The following MXI1 variants were observed in gnomAD, a reference collection of about 807,000 sequenced individuals.
MXI1 encodes max-interacting protein 1.
Under a neutral mutation model 36.9 loss-of-function variants are expected in MXI1, and 18 were observed. The ratio of observed to expected loss-of-function variants is 0.49; its 90% CI spans 0.34 to 0.72. The LOEUF (loss-of-function observed/expected upper bound fraction) is 0.72. Among genes scored for constraint, MXI1 ranks in the 30% least tolerant of loss-of-function variants. The probability of loss-of-function intolerance (pLI) is 0.01; values close to 1 mark genes in which losing one functional copy is unlikely to be tolerated. For synonymous variants in MXI1, 160 were observed against 146.7 expected (o/e 1.09, Z -0.65); for missense variants, 304 against 379.1 (o/e 0.80, Z 1.64).
intron 3 of MXI1, among the ~76,000 whole-genome samples, chr10:110,266,572 A>C (rs1856684256): frequency 2.0e-5 from 3 of 152,202 alleles, no homozygotes; most frequent in African/African-American, 7.2e-5. Flanking sequence ...TGAGTAAATG[A>C]GGATACCTGA....
chr10:110,236,918 C>CATGGT (rs1855497034), intron 2 of MXI1, among the ~76,000 whole-genome samples: 1 of 152,102 alleles, frequency 6.6e-6, no homozygotes, highest in African/African-American at 2.4e-5. Context: ...AATTAATAGA[C>CATGGT]ATGGTATGTC....
intron 3 of MXI1, among the ~76,000 whole-genome samples, chr10:110,267,686 G>A (rs1362127710): frequency 2.0e-5 from 3 of 152,146 alleles, no homozygotes; most frequent in Non-Finnish European, 4.4e-5. Flanking sequence ...GACTTTTCAA[G>A]ACTGCTATTT....
chr10:110,220,081 T>C (rs1854761672), intron 1 of MXI1, among the ~76,000 whole-genome samples: 1 of 152,226 alleles, frequency 6.6e-6, no homozygotes, highest in Admixed American at 6.5e-5. Flanking sequence ...TTAACCAATT[T>C]CGTTTGACCT....
chr10:110,231,069 A>G (rs1855240259), intron 2 of MXI1, among the ~76,000 whole-genome samples: 1 of 152,206 alleles, frequency 6.6e-6, no homozygotes, highest in African/African-American at 2.4e-5. Flanking sequence ...GATATGCCTG[A>G]TAAAATGTTA....
intron 3 of MXI1, among the ~76,000 whole-genome samples, chr10:110,248,779 A>C (rs778973863): frequency 6.6e-6 from 1 of 151,890 alleles, no homozygotes; most frequent in Non-Finnish European, 1.5e-5. Flanking sequence ...TACTCTCTCT[A>C]TTCCCTGAGG....
Position 110,232,533 on chromosome 10 carries a change from C to T in MXI1, c.407+4212C>T, listed in dbSNP as rs74403785. Among the ~76,000 whole-genome samples the T allele has an allele frequency of 3.8e-3, 572 of 152,170 alleles. 6 individuals are homozygous for T. Among genetic ancestry groups the T allele is most frequent in the African/African-American group, 0.013 (554 of 41,504 alleles). Reference sequence around the variant, plus strand: ...TCACATTTGTAGAAATACAGTTATCCAGTTGTTTCTTAAATTCGTGTCCTA... The same window carrying T: ...TCACATTTGTAGAAATACAGTTATCTAGTTGTTTCTTAAATTCGTGTCCTA... On this transcript the variant is annotated intron_variant, in intron 2 of 5. Transcript: ENST00000332674.
At chr10:110,255,744 C>T (rs559588062) in intron 3 of MXI1, among the ~76,000 whole-genome samples, 1 of 152,184 alleles carries the variant, frequency 6.6e-6, no homozygotes, top group African/African-American at 2.4e-5. Flanking sequence ...GCCGTACTTT[C>T]CAAATTGATC....
At chr10:110,262,134 G>A (rs1371613787) in intron 3 of MXI1, among the ~76,000 whole-genome samples, 1 of 152,042 alleles carries the variant, frequency 6.6e-6, no homozygotes, top group Non-Finnish European at 1.5e-5. Context: ...CACATCCATG[G>A]ATTCAAACGA....
rs199786142 is a variant in MXI1, at chr10:110,275,493, GA to G, written c.438-3679del. On this transcript the variant is annotated intron_variant, in intron 3 of 5. Transcript: ENST00000332674. ...TGCTGTTCTAAGAATTTGCAGGAGA[GA>G]AAAAAAACTTAGACACTGAGGAGAA... 6.1e-3 allele frequency among the ~76,000 whole-genome samples: 930 copies of G among 152,028 alleles called. 9 individuals carry two copies. Among genetic ancestry groups the G allele is most frequent in the Non-Finnish European group, 7.1e-3 (482 of 67,932 alleles).
intron 1 of MXI1, among the ~76,000 whole-genome samples, chr10:110,213,228 G>A (rs990579405): frequency 6.6e-6 from 1 of 152,198 alleles, no homozygotes; most frequent in African/African-American, 2.4e-5. Flanking sequence ...TAAGAAAGAA[G>A]GAGACTAGAG....
chr10:110,256,619 A>AG (rs1262354315), intron 3 of MXI1, among the ~76,000 whole-genome samples: 2 of 151,266 alleles, frequency 1.3e-5, no homozygotes, highest in South Asian at 4.2e-4. Context: ...AAAAAAAAAA[A>AG]AAAAAAAAAA....
chr10:110,285,040 TACAA>T lies in MXI1; in HGVS notation c.*58_*61del, dbSNP rs1300990622. 12 of 1,505,906 alleles carry T rather than the reference TACAA, an allele frequency of 8.0e-6. No homozygotes were observed. Among genetic ancestry groups the T allele is most frequent in the Admixed American group, 2.2e-5 (1 of 46,350 alleles). The allele number at this position is 1,505,906 out of a possible 1,614,324, so 93.3% of individuals were successfully genotyped here. A position where few individuals can be genotyped will look rare whatever the true frequency, so the allele number is the denominator to read the frequency against. On this transcript the variant is annotated 3_prime_UTR_variant, in exon 6 of 6. Transcript: ENST00000332674. ...CAAAATATTCACTGGGCCAATTCAATACAAACAATCTCTTAAATTGGGTTCATGA... is the reference window on the plus strand; with the variant it reads ...CAAAATATTCACTGGGCCAATTCAATACAATCTCTTAAATTGGGTTCATGA...
chr10:110,235,710 T>A (rs1312455002), intron 2 of MXI1, among the ~76,000 whole-genome samples: 1 of 148,802 alleles, frequency 6.7e-6, no homozygotes. Flanking sequence ...AATAAATAAA[T>A]AAATAAATAA....
In MXI1 at chr10:110,284,973, T is replaced by C; in HGVS notation, c.874T>C (p.Ser292Pro). 2 of 1,612,258 alleles carry C rather than the reference T, an allele frequency of 1.2e-6. No homozygotes were observed. Among genetic ancestry groups the C allele is most frequent in the Non-Finnish European group, 1.7e-6 (2 of 1,179,394 alleles). ...EGYSSASVKL[S>P]FTS The stretch of plus-strand genomic sequence containing the variant: ...TTACTCCAGTGCCAGTGTCAAACTT[T>C]CATTCACTTCATAGAACCCAGCATG... Residue 292 changes from serine to proline, a missense_variant, in exon 6 of 6, where the codon TCA becomes CCA. This residue lies in a region of MXI1 where 125 missense variants were observed against 194.3 expected (regional missense o/e 0.64). Coordinates refer to ENST00000332674, the MANE Select transcript of MXI1 (RefSeq NM_130439.3).
rs555830692 is a variant in MXI1, at chr10:110,277,251, G to C, written c.438-1929G>C. On this transcript the variant is annotated intron_variant, in intron 3 of 5. Coordinates refer to ENST00000332674, the MANE Select transcript of MXI1 (RefSeq NM_130439.3). ...AAGGTATTCTTGCGGTAATGTGCTT[G>C]TTAACTTTACTAGTTGCTTTGTTGA... Among the ~76,000 whole-genome samples the C allele has an allele frequency of 3.3e-5, 5 of 152,346 alleles. No individual in the cohort carries two copies. In the South Asian group the frequency reaches 6.2e-4, roughly 19 times the overall value.
At chr10:110,284,742 C>T in intron 5 of MXI1, 82 bp from the exon 6 acceptor site, 1 of 1,242,992 alleles carries the variant, frequency 8.0e-7, no homozygotes, top group South Asian at 1.6e-5. Context: ...TTTCTTATAC[C>T]TCTTTTCCTC....
At chr10:110,277,070 TCTTGGCCTCAGTCTGCCCAC>T (rs1216266879) in intron 3 of MXI1, among the ~76,000 whole-genome samples, 2 of 152,144 alleles carry the variant, frequency 1.3e-5, no homozygotes, top group Admixed American at 6.5e-5. Flanking sequence ...GGTCTCGAAC[TCTTGGCCTCAGTCTGCCCAC>T]CTTGGCCTCC....
chr10:110,262,257 AT>A (rs1856542082), intron 3 of MXI1, among the ~76,000 whole-genome samples: 1 of 152,116 alleles, frequency 6.6e-6, no homozygotes, highest in African/African-American at 2.4e-5. Flanking sequence ...TTTACATGGT[AT>A]TCACATTGTA....
chr10:110,285,882 T>G lies in MXI1; in HGVS notation c.*895T>G, dbSNP rs572121071. On this transcript the variant is annotated 3_prime_UTR_variant, in exon 6 of 6. Transcript: ENST00000332674. The stretch of plus-strand genomic sequence containing the variant: ...TCTGAGCCACAGCAGCATTTTTATT[T>G]CAGATTTTGATAACTGTTTATATGT... 6.6e-6 allele frequency: 1 copy of G among 152,598 alleles called. No homozygotes were observed. The highest frequency in any genetic ancestry group is 1.5e-5 in the Non-Finnish European group (1 of 68,038). The allele number at this position is 152,598 out of a possible 1,614,324, so 9.5% of individuals were successfully genotyped here. A position where few individuals can be genotyped will look rare whatever the true frequency, so the allele number is the denominator to read the frequency against.
Sources: gnomAD v4.1 joint callset for allele counts (sites outside exome capture counted in the v4.1 genomes callset) on GRCh38, gnomAD v4.1.1 for gene constraint, gnomAD v4.1.1 regional missense constraint, MANE v1.5 for transcripts, NCBI Gene and HGNC (gene_info 2026-07-23, HGNC 2026-07-21) for gene names.